EEA1: variants seen among roughly 807,000 people sequenced by gnomAD.
EEA1 encodes early endosome antigen 1, also known as early endosome antigen 1, 162kD.
EEA1 carries 111 observed loss-of-function variants against 209.2 expected under a neutral mutation model. That is an observed-to-expected ratio of 0.53 (90% confidence interval 0.45 to 0.62). The LOEUF (loss-of-function observed/expected upper bound fraction) is 0.62, where lower values mean the gene tolerates loss of function less well. Ranked by LOEUF, EEA1 falls within the 20% of genes least tolerant of loss-of-function variation. EEA1 has a pLI of 0.00. For missense variants in EEA1, 1,343 were observed against 1,530.8 expected, an observed-to-expected ratio of 0.88 and a Z score of 2.05; for synonymous variants, 536 against 540.6, an observed-to-expected ratio of 0.99 and a Z score of 0.12.
intron 6 of EEA1, 98 bp downstream of exon 6, chr12:92,853,817 T>C (rs778629882): frequency 1.8e-6 from 2 of 1,082,598 alleles, no homozygotes; most frequent in East Asian, 2.6e-5. Context: ...AGCATAACCA[T>C]GAAACAAAAT....
At position 92,776,095 on chromosome 12, in the gene EEA1, T is replaced by C. The variant is rs1565802936; in HGVS notation, c.4152A>G (p.Glu1384=). 2 of 1,611,014 alleles carry C rather than the reference T, an allele frequency of 1.2e-6. No individual in the cohort carries two copies. The highest frequency in any genetic ancestry group is 1.7e-6 in the Non-Finnish European group (2 of 1,178,120). Residue 1384 remains glutamate (E), a synonymous_variant, in exon 29 of 29, where the codon GAA becomes GAG. Transcript: ENST00000322349. ...CRQCGNIFCA[E]CSAKNALTPS... ...GAGTTAAGGCATTTTTGGCTGAACA[T>C]TCAGCACAGAAGATATTTCCACACT...
chr12:92,819,162 A>G (rs1357426122), intron 14 of EEA1, 146 bp downstream of exon 14: 1 of 607,224 alleles, frequency 1.6e-6, no homozygotes, highest in Non-Finnish European at 2.7e-6. Context: ...CTCTTAAGGT[A>G]CATGAGATGC....
intron 22 of EEA1, among the ~76,000 whole-genome samples, chr12:92,786,038 T>C (rs1316184415): frequency 2.0e-5 from 3 of 152,210 alleles, no homozygotes; most frequent in Middle Eastern, 3.2e-3. Flanking sequence ...GACATCCATA[T>C]GGAAAGAGTG....
At chr12:92,927,596 C>T (rs1881257984) in intron 1 of EEA1, among the ~76,000 whole-genome samples, 1 of 152,200 alleles carries the variant, frequency 6.6e-6, no homozygotes, top group South Asian at 2.1e-4. Flanking sequence ...TTGTAAACTT[C>T]AAAGCAAACC....
intron 1 of EEA1, among the ~76,000 whole-genome samples, chr12:92,921,145 T>C (rs1027477041): frequency 6.6e-6 from 1 of 151,290 alleles, no homozygotes; most frequent in African/African-American, 2.4e-5. Flanking sequence ...TTTTACATTG[T>C]TGGTGGGACT....
At chr12:92,928,512 T>G (rs1361577848) in intron 1 of EEA1, among the ~76,000 whole-genome samples, 1 of 152,166 alleles carries the variant, frequency 6.6e-6, no homozygotes, top group South Asian at 2.1e-4. Context: ...GGGCCCAGGC[T>G]AGGCCGGGGC....
intron 1 of EEA1, among the ~76,000 whole-genome samples, chr12:92,898,426 G>C (rs996222941): frequency 6.6e-6 from 1 of 152,116 alleles, no homozygotes; most frequent in Non-Finnish European, 1.5e-5. Flanking sequence ...CACTTTGGGA[G>C]GCTGAGGTGG....
intron 3 of EEA1, among the ~76,000 whole-genome samples, chr12:92,864,423 G>C (rs1878283731): frequency 2.6e-5 from 4 of 151,856 alleles, no homozygotes; most frequent in Admixed American, 2.6e-4. Context: ...AAATTACCAG[G>C]AAACACAATG....
intron 1 of EEA1, among the ~76,000 whole-genome samples, chr12:92,910,191 G>A (rs532844028): frequency 6.8e-6 from 1 of 147,962 alleles, no homozygotes; most frequent in East Asian, 2.0e-4. Flanking sequence ...TTAACTCAAG[G>A]TCAGGCGCGG....
intron 22 of EEA1, among the ~76,000 whole-genome samples, chr12:92,783,544 C>G (rs1873998723): frequency 6.6e-6 from 1 of 152,220 alleles, no homozygotes; most frequent in Non-Finnish European, 1.5e-5. Flanking sequence ...TGAGAAAGCA[C>G]ACTGTCCTCT....
chr12:92,782,761 C>T (rs1592699298), intron 22 of EEA1, among the ~76,000 whole-genome samples: 1 of 152,336 alleles, frequency 6.6e-6, no homozygotes, highest in Non-Finnish European at 1.5e-5. Flanking sequence ...GTCTCCTGCC[C>T]TTCTTCCACT....
chr12:92,776,084 T>C lies in EEA1; in HGVS notation c.4163A>G (p.Lys1388Arg), dbSNP rs756050993. ...CTTGGAGGAAGGAGTTAAGGCATTT[T>C]TGGCTGAACATTCAGCACAGAAGAT... is the stretch of plus-strand genomic sequence containing the variant. ...GNIFCAECSA[K>R]NALTPSSKKP... Residue 1388 changes from lysine to arginine, a missense_variant, in exon 29 of 29, where the codon AAA becomes AGA. Physicochemically the swap from Lys to Arg is conservative, Grantham distance 26. This residue lies in a region of EEA1 where 28 missense variants were observed against 37.7 expected (regional missense o/e 0.74). Coordinates refer to ENST00000322349, the MANE Select transcript of EEA1 (RefSeq NM_003566.4). 1.2e-6 allele frequency: 2 copies of C among 1,611,552 alleles called. No individual in the cohort carries two copies. The highest frequency in any genetic ancestry group is 1.1e-5 in the South Asian group (1 of 90,862).
chr12:92,866,967 T>C (rs1369319859), intron 2 of EEA1, among the ~76,000 whole-genome samples: 1 of 152,208 alleles, frequency 6.6e-6, no homozygotes, highest in African/African-American at 2.4e-5. Context: ...CGTGTTCGGA[T>C]ACTCAGTATC....
At chr12:92,891,337 T>C (rs1879647321) in intron 2 of EEA1, among the ~76,000 whole-genome samples, 1 of 152,174 alleles carries the variant, frequency 6.6e-6, no homozygotes, top group Non-Finnish European at 1.5e-5. Context: ...CATAAATAGA[T>C]ACTAATTAAC....
Position 92,888,453 on chromosome 12 carries a change from T to C in EEA1, c.117+3176A>G, listed in dbSNP as rs183171389. Among the ~76,000 whole-genome samples the C allele has an allele frequency of 5.5e-3, 838 of 152,078 alleles. 4 individuals are homozygous for C. Among genetic ancestry groups the C allele is most frequent in the African/African-American group, 0.019 (807 of 41,502 alleles). On this transcript the variant is annotated intron_variant, in intron 2 of 28. Coordinates refer to ENST00000322349, the MANE Select transcript of EEA1 (RefSeq NM_003566.4). ...TTAGCCGGGTGTGGTGGCGGGTGCC[T>C]GTAGTCCCAGCTACTCGGGAGGCTG...
chr12:92,816,203 T>C lies in EEA1; in HGVS notation c.1926A>G (p.Ile642Met). The change falls in exon 15 of 29, where the codon ATA becomes ATG. Residue 642 changes from isoleucine to methionine, a missense_variant. By Grantham distance (10) the Ile-to-Met change is conservative. This residue lies in a region of EEA1 where 1,307 missense variants were observed against 1,465.5 expected (regional missense o/e 0.89). Transcript: ENST00000322349. The part of the protein sequence containing the change: ...ESKEKVSQLD[I>M]QIKAKTELLL... ...CAAACATTAAATTTAATATTACCTGTATGTCAAGCTGGGAGACCTTCTCCT... is the reference window on the plus strand; with the variant it reads ...CAAACATTAAATTTAATATTACCTGCATGTCAAGCTGGGAGACCTTCTCCT... 3.1e-6 allele frequency: 5 copies of C among 1,611,942 alleles called. No individual in the cohort carries two copies. The highest frequency in any genetic ancestry group is 3.4e-6 in the Non-Finnish European group (4 of 1,178,236).
intron 22 of EEA1, among the ~76,000 whole-genome samples, chr12:92,784,225 C>T (rs1874031712): frequency 2.0e-5 from 3 of 152,134 alleles, no homozygotes; most frequent in Non-Finnish European, 4.4e-5. Context: ...AAAAGCAGAA[C>T]AGCCATGTAA....
At chr12:92,805,768 C>A (rs1318757916) in intron 18 of EEA1, among the ~76,000 whole-genome samples, 1 of 152,194 alleles carries the variant, frequency 6.6e-6, no homozygotes, top group Non-Finnish European at 1.5e-5. Flanking sequence ...CTAAGCACTT[C>A]TATGGCTATA....
chr12:92,855,224 T>C (rs1877818183), intron 5 of EEA1, among the ~76,000 whole-genome samples: 1 of 152,102 alleles, frequency 6.6e-6, no homozygotes, highest in South Asian at 2.1e-4. Context: ...GGTCAGGAGA[T>C]CGAGACCATC....
Sources: gnomAD v4.1 joint callset for allele counts (sites outside exome capture counted in the v4.1 genomes callset) on GRCh38, gnomAD v4.1.1 for gene constraint, gnomAD v4.1.1 regional missense constraint, MANE v1.5 for transcripts, NCBI Gene and HGNC (gene_info 2026-07-23, HGNC 2026-07-21) for gene names.